NT5C2: variants seen among roughly 807,000 people sequenced by gnomAD.
The protein encoded by NT5C2 is 5'-nucleotidase, cytosolic II.
In NT5C2, 58 loss-of-function variants were observed where a neutral mutation model predicts 76.1. The ratio of observed to expected loss-of-function variants is 0.76; its 90% CI spans 0.62 to 0.95. The LOEUF (loss-of-function observed/expected upper bound fraction) is 0.95, where lower values mean the gene tolerates loss of function less well. NT5C2 is among the 40% of genes least tolerant of loss of function. The pLI is 0.00. For missense variants in NT5C2, 478 were observed against 690.3 expected (o/e 0.69, Z 3.45); for synonymous variants, 229 against 237.4 (o/e 0.96, Z 0.32).
At chr10:103,121,208 G>C (rs1272503940) in intron 4 of NT5C2, among the ~76,000 whole-genome samples, 1 of 152,134 alleles carries the variant, frequency 6.6e-6, no homozygotes, top group Non-Finnish European at 1.5e-5. Flanking sequence ...ATAGTGGTGA[G>C]CATTGTGCAA....
At chr10:103,120,533 A>G (rs2075448270) in intron 4 of NT5C2, among the ~76,000 whole-genome samples, 1 of 152,256 alleles carries the variant, frequency 6.6e-6, no homozygotes, top group East Asian at 1.9e-4. Flanking sequence ...AATGATGCTT[A>G]ATATCACCAG....
In NT5C2 at chr10:103,095,923, G is replaced by A. The variant is rs772021932; in HGVS notation, c.813+16C>T. 4 of 1,603,430 alleles carry A rather than the reference G, an allele frequency of 2.5e-6. No individual in the cohort carries two copies. Among genetic ancestry groups the A allele is most frequent in the African/African-American group, 1.3e-5 (1 of 74,714 alleles). ...ATTGTTATTAAAGCAGTGGTCTATT[G>A]AGTCACATACGGTACCTTGGGGCCA... On this transcript the variant is annotated intron_variant, in intron 12 of 18. Transcript: ENST00000404739.
chr10:103,136,626 ATT>A lies in NT5C2; in HGVS notation c.175+2778_175+2779del, dbSNP rs71019660. ...AGTTTAGAGACAGATTCAGTTAATT[ATT>A]TTTTTTTTTTTTTTGAGACACGGTC... is the stretch of plus-strand genomic sequence containing the variant. On this transcript the variant is annotated intron_variant, in intron 4 of 18. Coordinates refer to ENST00000404739, the MANE Select transcript of NT5C2 (RefSeq NM_001351169.2). Among the ~76,000 whole-genome samples the A allele has an allele frequency of 4.4e-3, 626 of 142,976 alleles. 4 individuals are homozygous for A. The highest frequency in any genetic ancestry group is 0.015 in the African/African-American group (568 of 38,798). The allele number at this position is 142,976 out of a possible 152,430, so 93.8% of individuals were successfully genotyped here. A position where few individuals can be genotyped will look rare whatever the true frequency, so the allele number is the denominator to read the frequency against.
At position 103,128,982 on chromosome 10, in the gene NT5C2, G is replaced by A. The variant is rs1299975068; in HGVS notation, c.175+10424C>T. On this transcript the variant is annotated intron_variant, in intron 4 of 18. Coordinates refer to ENST00000404739, the MANE Select transcript of NT5C2 (RefSeq NM_001351169.2). ...CCCGTCCGGGAGGGAGGTAGGGGGG[G>A]GTCAACCCCCCGCCCGGCCAGCCGC... Among the ~76,000 whole-genome samples the A allele has an allele frequency of 1.8e-5, 2 of 111,336 alleles. 1 individual carries two copies. Among genetic ancestry groups the A allele is most frequent in the Non-Finnish European group, 4.0e-5 (2 of 50,454 alleles). 73.0% of individuals were successfully genotyped at this position (111,336 alleles called of 152,430 possible). A position where few individuals can be genotyped will look rare whatever the true frequency, so the allele number is the denominator to read the frequency against.
At chr10:103,121,063 T>C (rs2075558604) in intron 4 of NT5C2, among the ~76,000 whole-genome samples, 1 of 152,212 alleles carries the variant, frequency 6.6e-6, no homozygotes, top group African/African-American at 2.4e-5. Context: ...TTTTATGAAA[T>C]ACCTATAACA....
chr10:103,105,947 AAAAT>A (rs2071143140), intron 5 of NT5C2, 146 bp from the exon 6 acceptor site: 1 of 543,300 alleles, frequency 1.8e-6, no homozygotes, highest in African/African-American at 1.9e-5. Flanking sequence ...TAAAGTGAGT[AAAAT>A]CTTAAAAACT....
chr10:103,122,860 C>A (rs2075939262), intron 4 of NT5C2, among the ~76,000 whole-genome samples: 1 of 152,132 alleles, frequency 6.6e-6, no homozygotes, highest in Admixed American at 6.5e-5. Flanking sequence ...CCCCTTTTGT[C>A]CAACCATACT....
intron 4 of NT5C2, among the ~76,000 whole-genome samples, chr10:103,120,507 CTAAA>C (rs1268973155): frequency 4.6e-5 from 7 of 152,136 alleles, no homozygotes; most frequent in African/African-American, 1.2e-4. Context: ...ATATAACTGA[CTAAA>C]TAAACACATG....
At chr10:103,140,663 G>A (rs1247735513) in intron 3 of NT5C2, among the ~76,000 whole-genome samples, 1 of 152,182 alleles carries the variant, frequency 6.6e-6, no homozygotes, top group Non-Finnish European at 1.5e-5. Context: ...CAGTGTACAA[G>A]TGTTCCCTTT....
intron 4 of NT5C2, among the ~76,000 whole-genome samples, chr10:103,128,077 C>CCG (rs2077037971): frequency 6.7e-6 from 1 of 149,006 alleles, no homozygotes; most frequent in East Asian, 2.0e-4. Context: ...CCCTCTCCCT[C>CCG]TCCCTCTCCC....
intron 2 of NT5C2, 46 bp from the exon 3 acceptor site, chr10:103,175,028 T>C (rs2134865373): frequency 9.5e-7 from 1 of 1,047,660 alleles, no homozygotes; most frequent in East Asian, 2.4e-5. Context: ...TTGGCATCTG[T>C]ATACTGACAT....
intron 2 of NT5C2, among the ~76,000 whole-genome samples, chr10:103,180,775 A>G (rs1330566257): frequency 2.0e-5 from 3 of 152,190 alleles, no homozygotes; most frequent in African/African-American, 7.2e-5. Flanking sequence ...AATGGCCAGA[A>G]ACTACAAACA....
chr10:103,123,608 G>T (rs563989726), intron 4 of NT5C2, among the ~76,000 whole-genome samples: 1 of 152,148 alleles, frequency 6.6e-6, no homozygotes, highest in African/African-American at 2.4e-5. Flanking sequence ...TTTCTAGTAC[G>T]TTTAATAAAT....
chr10:103,098,782 C>G, intron 10 of NT5C2, 149 bp downstream of exon 10: 1 of 613,308 alleles, frequency 1.6e-6, no homozygotes, highest in East Asian at 2.9e-5. Flanking sequence ...TATGCTCTAG[C>G]TGAATATTCT....
chr10:103,130,146 G>T (rs2077831515), intron 4 of NT5C2, among the ~76,000 whole-genome samples: 2 of 151,858 alleles, frequency 1.3e-5, no homozygotes, highest in African/African-American at 4.8e-5. Context: ...TGAGAAATCG[G>T]ATGGTTACCG....
chr10:103,188,645 A>C (rs999751884), intron 1 of NT5C2, among the ~76,000 whole-genome samples: 5 of 152,210 alleles, frequency 3.3e-5, no homozygotes, highest in Non-Finnish European at 5.9e-5. Context: ...TAGAGGTCAC[A>C]GTGTTTTTTA....
At position 103,090,804 on chromosome 10, in the gene NT5C2, G is replaced by A. The variant is rs765543565; in HGVS notation, c.1273-17C>T. ...AGTTACTTTCTAAAACAAAGAACAA[G>A]ATTGATTCTTGGCTCATTCAACAAA... On this transcript the variant is annotated splice_polypyrimidine_tract_variant and intron_variant, in intron 17 of 18. Transcript: ENST00000404739. 61 of 1,613,096 alleles carry A rather than the reference G, an allele frequency of 3.8e-5. No individual in the cohort carries two copies. The highest frequency in any genetic ancestry group is 5.0e-5 in the Non-Finnish European group (59 of 1,179,336).
intron 3 of NT5C2, among the ~76,000 whole-genome samples, chr10:103,167,614 A>T (rs970580582): frequency 6.6e-6 from 1 of 152,108 alleles, no homozygotes; most frequent in Non-Finnish European, 1.5e-5. Flanking sequence ...TTTAAAAAAA[A>T]AAATAAAGAT....
At chr10:103,141,905 A>G (rs1166365276) in intron 3 of NT5C2, among the ~76,000 whole-genome samples, 1 of 152,240 alleles carries the variant, frequency 6.6e-6, no homozygotes, top group African/African-American at 2.4e-5. Flanking sequence ...AGTAAGTACT[A>G]TAAAATAACA....
Sources: allele counts gnomAD v4.1 joint callset (sites outside exome capture counted in the v4.1 genomes callset), GRCh38; gene constraint gnomAD v4.1.1; transcripts MANE v1.5; gene names NCBI Gene and HGNC (gene_info 2026-07-23, HGNC 2026-07-21).